EYA4: variants seen among roughly 807,000 people sequenced by gnomAD.
The protein encoded by EYA4 is protein phosphatase EYA4.
Under a neutral mutation model 87.9 loss-of-function variants are expected in EYA4, and 31 were observed. That is an observed-to-expected ratio of 0.35 (90% CI 0.27 to 0.48). EYA4 has a LOEUF of 0.48. Among genes scored for constraint, EYA4 ranks in the 20% least tolerant of loss-of-function variants. The probability of loss-of-function intolerance (pLI) is 0.99; values close to 1 mark genes in which losing one functional copy is unlikely to be tolerated. For missense variants in EYA4, 678 were observed against 761.4 expected (o/e 0.89, Z 1.29); for synonymous variants, 263 against 270.6 (o/e 0.97, Z 0.28).
At chr6:133,446,503 A>C in intron 3 of EYA4, 127 bp from the exon 4 acceptor site, 1 of 1,023,966 alleles carries the variant, frequency 9.8e-7, no homozygotes, top group Non-Finnish European at 1.5e-6. Context: ...CATCTGGTTG[A>C]CTAAGTCTTA....
intron 11 of EYA4, among the ~76,000 whole-genome samples, chr6:133,469,654 G>C (rs1195957855): frequency 1.3e-5 from 2 of 151,920 alleles, no homozygotes; most frequent in Non-Finnish European, 2.9e-5. Context: ...ATATGCAAAA[G>C]AGGAAAGGAT....
intron 2 of EYA4, among the ~76,000 whole-genome samples, chr6:133,345,086 A>G (rs533947178): frequency 6.6e-6 from 1 of 152,254 alleles, no homozygotes; most frequent in South Asian, 2.1e-4. Context: ...AACTTTCAAC[A>G]TGCTGTTTTC....
At position 133,282,606 on chromosome 6, in the gene EYA4, A is replaced by ATG. The variant is rs1451553382; in HGVS notation, c.33+7794_33+7795insGT. Among the ~76,000 whole-genome samples, 203 of 125,914 alleles carry ATG rather than the reference A, an allele frequency of 1.6e-3. 1 individual carries two copies. The highest frequency in any genetic ancestry group is 2.6e-3 in the Non-Finnish European group (159 of 60,082). The allele number at this position is 125,914 out of a possible 152,430, so 82.6% of individuals were successfully genotyped here. A position where few individuals can be genotyped will look rare whatever the true frequency, so the allele number is the denominator to read the frequency against. ...TGTGTGTGTATATATATATATGTAT[A>ATG]TATGGAGAGCCTCATATTATACAGA... On this transcript the variant is annotated intron_variant, in intron 2 of 19. Coordinates refer to ENST00000355286, the MANE Select transcript of EYA4 (RefSeq NM_004100.5).
In EYA4 at chr6:133,394,186, G is replaced by A. The variant is rs151231233; in HGVS notation, c.83+11745G>A. ...CTGTCTTTATATTCCTAAAATTCAT[G>A]TAGCTAAAATTAAGCTCTACTTTTT... On this transcript the variant is annotated intron_variant, in intron 3 of 19. Coordinates refer to ENST00000355286, the MANE Select transcript of EYA4 (RefSeq NM_004100.5). Among the ~76,000 whole-genome samples the A allele has an allele frequency of 4.0e-5, 6 of 149,816 alleles. No homozygotes were observed. The East Asian group carries it at 1.2e-3, about 30-fold the overall frequency.
At chr6:133,338,053 C>A (rs1782508206) in intron 2 of EYA4, among the ~76,000 whole-genome samples, 2 of 152,158 alleles carry the variant, frequency 1.3e-5, no homozygotes, top group Non-Finnish European at 2.9e-5. Flanking sequence ...GCCATCTACT[C>A]TCTCTCTCCA....
At chr6:133,393,563 G>T (rs777557886) in intron 3 of EYA4, among the ~76,000 whole-genome samples, 1 of 152,136 alleles carries the variant, frequency 6.6e-6, no homozygotes, top group Non-Finnish European at 1.5e-5. Flanking sequence ...AAAAGCCTGC[G>T]TGGCATGTTC....
chr6:133,454,491 C>G (rs2128639426), intron 5 of EYA4, among the ~76,000 whole-genome samples: 1 of 152,260 alleles, frequency 6.6e-6, no homozygotes, highest in South Asian at 2.1e-4. Flanking sequence ...GTCTCAAATT[C>G]TAGCTCTTAC....
intron 3 of EYA4, among the ~76,000 whole-genome samples, chr6:133,401,906 T>C (rs553380053): frequency 6.6e-6 from 1 of 152,154 alleles, no homozygotes; most frequent in South Asian, 2.1e-4. Flanking sequence ...AGAAACTCAA[T>C]ATTTTAGTAG....
chr6:133,354,331 GTTA>G (rs368557389), intron 2 of EYA4, among the ~76,000 whole-genome samples: 1 of 151,762 alleles, frequency 6.6e-6, no homozygotes, highest in Non-Finnish European at 1.5e-5. Flanking sequence ...AATAGTTACT[GTTA>G]TTATTATTAT....
chr6:133,335,986 T>G (rs1782337347), intron 2 of EYA4, among the ~76,000 whole-genome samples: 1 of 152,148 alleles, frequency 6.6e-6, no homozygotes, highest in Non-Finnish European at 1.5e-5. Context: ...TTGTGATTTA[T>G]TATAACACAA....
At chr6:133,392,014 G>A (rs3777807) in intron 3 of EYA4, among the ~76,000 whole-genome samples, 4,620 of 152,216 alleles carry the variant, frequency 0.03, 185 homozygotes, top group East Asian at 0.18. Context: ...GATTTCATAG[G>A]TCAGGCATCT....
intron 2 of EYA4, among the ~76,000 whole-genome samples, chr6:133,367,413 G>A (rs750650678): frequency 1.3e-5 from 2 of 152,194 alleles, no homozygotes; most frequent in Non-Finnish European, 2.9e-5. Context: ...TTAAAAATAC[G>A]TATATATGTG....
At chr6:133,502,827 G>C (rs1296428451) in intron 13 of EYA4, 1 of 152,182 alleles carries the variant, frequency 6.6e-6, no homozygotes, top group Non-Finnish European at 1.5e-5. Context: ...CAAGACTTTG[G>C]CATGGCTGAT....
chr6:133,454,202 TC>T (rs1421240719), intron 5 of EYA4, among the ~76,000 whole-genome samples: 1 of 152,148 alleles, frequency 6.6e-6, no homozygotes, highest in African/African-American at 2.4e-5. Context: ...CAAATATTGT[TC>T]GTAGATATAG....
intron 16 of EYA4, among the ~76,000 whole-genome samples, chr6:133,514,688 G>A (rs1225234258): frequency 6.6e-6 from 1 of 151,992 alleles, no homozygotes; most frequent in Non-Finnish European, 1.5e-5. Context: ...TAAAAAATTA[G>A]CACATCTATC....
At chr6:133,347,159 C>T (rs761322120) in intron 2 of EYA4, among the ~76,000 whole-genome samples, 4 of 152,186 alleles carry the variant, frequency 2.6e-5, no homozygotes, top group African/African-American at 9.7e-5. Flanking sequence ...TTCTCCCGTG[C>T]AACTTTGTTC....
intron 3 of EYA4, among the ~76,000 whole-genome samples, chr6:133,431,263 G>GTTTAGA (rs1213542564): frequency 1.3e-5 from 2 of 152,288 alleles, no homozygotes; most frequent in South Asian, 4.1e-4. Context: ...GACATGAGAA[G>GTTTAGA]GCATTAGAGG....
At chr6:133,458,901 G>T (rs964311198) in intron 6 of EYA4, among the ~76,000 whole-genome samples, 2 of 152,158 alleles carry the variant, frequency 1.3e-5, no homozygotes, top group Non-Finnish European at 2.9e-5. Context: ...GCTTACTGTT[G>T]TATGCAGAAA....
intron 13 of EYA4, among the ~76,000 whole-genome samples, chr6:133,498,229 C>T (rs1259385135): frequency 1.3e-5 from 2 of 152,162 alleles, no homozygotes; most frequent in Admixed American, 6.5e-5. Context: ...TGCTAACAAA[C>T]ACCATATGCT....
Sources: gnomAD v4.1 joint callset for allele counts (sites outside exome capture counted in the v4.1 genomes callset) on GRCh38, gnomAD v4.1.1 for gene constraint, MANE v1.5 for transcripts, NCBI Gene and HGNC (gene_info 2026-07-23, HGNC 2026-07-21) for gene names.